Variants in CDS1 observed in about 807,000 individuals in gnomAD.
The protein encoded by CDS1 is CDP-diacylglycerol synthase 1.
Under a neutral mutation model 62.1 loss-of-function variants are expected in CDS1, and 41 were observed. The ratio of observed to expected loss-of-function variants is 0.66; its 90% confidence interval spans 0.51 to 0.86. CDS1 has a LOEUF of 0.86. Among genes scored for constraint, CDS1 ranks in the 40% least tolerant of loss-of-function variants. The probability of loss-of-function intolerance (pLI) is 0.00; values close to 1 mark genes in which losing one functional copy is unlikely to be tolerated. For synonymous variants in CDS1, 185 were observed against 192.6 expected, an observed-to-expected ratio of 0.96 and a Z score of 0.32; for missense variants, 470 against 550.1, an observed-to-expected ratio of 0.85 and a Z score of 1.46.
intron 5 of CDS1, among the ~76,000 whole-genome samples, chr4:84,620,220 T>G (rs1374994346): frequency 8.6e-5 from 8 of 93,044 alleles, no homozygotes; most frequent in African/African-American, 5.0e-4. Flanking sequence ...TAATTAGTTG[T>G]TTTTTTTTTT....
chr4:84,630,775 A>T (rs765841806), intron 5 of CDS1, among the ~76,000 whole-genome samples: 2 of 152,128 alleles, frequency 1.3e-5, no homozygotes, highest in Non-Finnish European at 2.9e-5. Context: ...ACTGCATTCC[A>T]GGCTGAGCCA....
intron 1 of CDS1, among the ~76,000 whole-genome samples, chr4:84,593,227 A>G (rs371661976): frequency 4.7e-4 from 72 of 152,200 alleles, no homozygotes; most frequent in African/African-American, 1.7e-3. Flanking sequence ...AATAATGTAT[A>G]CTGCTTTTAA....
Position 84,648,710 on chromosome 4 carries a change from GACAAGAAGGAATTAT to G in CDS1, c.*25_*39del. 6.3e-7 allele frequency: 1 copy of G among 1,592,272 alleles called. No homozygotes were observed. Among genetic ancestry groups the G allele is most frequent in the Non-Finnish European group, 8.5e-7 (1 of 1,171,036 alleles). On this transcript the variant is annotated 3_prime_UTR_variant, in exon 13 of 13. Coordinates refer to ENST00000295887, the MANE Select transcript of CDS1 (RefSeq NM_001263.4). ...AACTGGATCCAGAGAGGGAAGGACT[GACAAGAAGGAATTAT>G]TCAGAAAAACACTGACAGATGTTTT...
chr4:84,647,394 T>A (rs924996946), intron 12 of CDS1, among the ~76,000 whole-genome samples: 1 of 152,068 alleles, frequency 6.6e-6, no homozygotes, highest in Non-Finnish European at 1.5e-5. Flanking sequence ...GTCCTCTCAG[T>A]AGGGAGGTGT....
intron 9 of CDS1, 35 bp from the exon 10 acceptor site, chr4:84,640,803 T>A: frequency 6.8e-7 from 1 of 1,471,300 alleles, no homozygotes; most frequent in East Asian, 2.5e-5. Flanking sequence ...TTTTGCTTTG[T>A]TTTTTGTTTT....
intron 2 of CDS1, among the ~76,000 whole-genome samples, chr4:84,609,197 A>G (rs13105636): frequency 0.22 from 32,171 of 144,622 alleles, 4,628 homozygotes; most frequent in East Asian, 0.41. Context: ...AAAAAAAAAA[A>G]AAAAGAAAAG....
chr4:84,604,186 C>T (rs1399550464), intron 1 of CDS1, 57 bp from the exon 2 acceptor site: 10 of 1,492,532 alleles, frequency 6.7e-6, no homozygotes, highest in Non-Finnish European at 8.3e-6. Context: ...AATGTATTGG[C>T]CAGCCTGTGC....
chr4:84,599,403 CACATATATATATATAT>C (rs1302236107), intron 1 of CDS1, among the ~76,000 whole-genome samples: 11 of 17,226 alleles, frequency 6.4e-4, no homozygotes, highest in East Asian at 4.7e-3. Context: ...GACACACACA[CACATATATATATATAT>C]ATATATATAT....
At chr4:84,587,558 A>G (rs1343802184) in intron 1 of CDS1, among the ~76,000 whole-genome samples, 1 of 152,218 alleles carries the variant, frequency 6.6e-6, no homozygotes, top group Non-Finnish European at 1.5e-5. Flanking sequence ...TCAGGTCGGC[A>G]GGGAAGTGGG....
intron 2 of CDS1, among the ~76,000 whole-genome samples, chr4:84,605,663 C>T (rs890520438): frequency 1.4e-4 from 21 of 151,858 alleles, no homozygotes; most frequent in African/African-American, 4.4e-4. Context: ...TTTGTGTAGT[C>T]GATGTTCTGT....
At chr4:84,638,399 A>G (rs1724279579) in intron 8 of CDS1, among the ~76,000 whole-genome samples, 1 of 152,212 alleles carries the variant, frequency 6.6e-6, no homozygotes, top group African/African-American at 2.4e-5. Context: ...GTATTTTGCC[A>G]TATCAGAAGG....
chr4:84,635,357 G>A lies in CDS1; in HGVS notation c.810+6G>A. The A allele has an allele frequency of 7.2e-7, 1 of 1,391,890 alleles. No homozygotes were observed. The highest frequency in any genetic ancestry group is 1.0e-6 in the Non-Finnish European group (1 of 987,200). The allele number at this position is 1,391,890 out of a possible 1,614,324, so 86.2% of individuals were successfully genotyped here. ...GGAGAACTCCATTAATTAAGGTAAT[G>A]GAAAAATTTTATAAGCAAGCCACTA... On this transcript the variant is annotated splice_donor_region_variant and intron_variant, in intron 8 of 12. Coordinates refer to ENST00000295887, the MANE Select transcript of CDS1 (RefSeq NM_001263.4).
chr4:84,584,467 T>G (rs945507470), intron 1 of CDS1, among the ~76,000 whole-genome samples: 4 of 152,224 alleles, frequency 2.6e-5, no homozygotes, highest in African/African-American at 9.7e-5. Flanking sequence ...CATTGCAGTT[T>G]GAATTACAGA....
At chr4:84,616,453 G>A (rs1348952117) in intron 3 of CDS1, among the ~76,000 whole-genome samples, 5 of 152,122 alleles carry the variant, frequency 3.3e-5, no homozygotes, top group South Asian at 4.1e-4. Flanking sequence ...AAGAAATCCC[G>A]GAATATATCC....
chr4:84,617,353 C>A (rs1723529267), intron 3 of CDS1, among the ~76,000 whole-genome samples: 2 of 152,100 alleles, frequency 1.3e-5, no homozygotes, highest in Non-Finnish European at 2.9e-5. Context: ...ATCTTCCAAG[C>A]CTTTTTGAGT....
In CDS1 at chr4:84,624,396, C is replaced by T. The variant is rs188439579; in HGVS notation, c.580+4863C>T. On this transcript the variant is annotated intron_variant, in intron 5 of 12. Transcript: ENST00000295887. ...ATGAAATCCTCCTCCACCTCAGTGC[C>T]TTACTTACGATATCTGGAGGCTTAC... Among the ~76,000 whole-genome samples, 20 of 151,756 alleles carry T rather than the reference C, an allele frequency of 1.3e-4. No individual in the cohort carries two copies. In the East Asian group the frequency reaches 3.5e-3, roughly 26 times the overall value.
intron 2 of CDS1, among the ~76,000 whole-genome samples, chr4:84,606,646 C>T (rs1441319191): frequency 1.3e-5 from 2 of 151,970 alleles, no homozygotes; most frequent in African/African-American, 2.4e-5. Flanking sequence ...GGATAAAGTC[C>T]TAAAAGGGAA....
chr4:84,647,144 C>T (rs568507887), intron 12 of CDS1, among the ~76,000 whole-genome samples: 2 of 151,960 alleles, frequency 1.3e-5, no homozygotes, highest in Non-Finnish European at 2.9e-5. Flanking sequence ...ATTCCCTTTT[C>T]CTTATATTTA....
chr4:84,619,496 C>T lies in CDS1; in HGVS notation c.543C>T (p.Arg181=). The T allele has an allele frequency of 1.2e-6, 2 of 1,603,548 alleles. No individual in the cohort carries two copies. The highest frequency in any genetic ancestry group is 1.7e-6 in the Non-Finnish European group (2 of 1,172,854). Residue 181 remains arginine, a synonymous_variant, in exon 5 of 13, where the codon CGC becomes CGT. Coordinates refer to ENST00000295887, the MANE Select transcript of CDS1 (RefSeq NM_001263.4). Reference sequence around the variant, plus strand: ...AAGAACAACTTCAGTTCCTCATTCGCTACCATAGATTTATATCATTTGCCC... The same window carrying T: ...AAGAACAACTTCAGTTCCTCATTCGTTACCATAGATTTATATCATTTGCCC... ...QREEQLQFLI[R]YHRFISFALY...
Sources: allele counts gnomAD v4.1 joint callset (sites outside exome capture counted in the v4.1 genomes callset), GRCh38; gene constraint gnomAD v4.1.1; transcripts MANE v1.5; gene names NCBI Gene and HGNC (gene_info 2026-07-23, HGNC 2026-07-21).